The following XPR1 variants were observed in gnomAD, a reference collection of about 807,000 sequenced individuals.
The protein encoded by XPR1 is solute carrier family 53 member 1.
In XPR1, 28 loss-of-function variants were observed where a neutral mutation model predicts 87.5. That is an observed-to-expected ratio of 0.32 (90% CI 0.24 to 0.44). The LOEUF (loss-of-function observed/expected upper bound fraction) is 0.44. Among genes scored for constraint, XPR1 ranks in the 20% least tolerant of loss-of-function variants. The probability of loss-of-function intolerance (pLI) is 1.00; values close to 1 mark genes in which losing one functional copy is unlikely to be tolerated. For missense variants in XPR1, 559 were observed against 862.3 expected, an observed-to-expected ratio of 0.65 and a Z score of 4.41; for synonymous variants, 300 against 306.1, an observed-to-expected ratio of 0.98 and a Z score of 0.21.
At chr1:180,732,434 AGGTGGCC>A (rs1435819465) in intron 2 of XPR1, among the ~76,000 whole-genome samples, 2 of 152,176 alleles carry the variant, frequency 1.3e-5, no homozygotes, top group Non-Finnish European at 2.9e-5. Context: ...CATAATTTTA[AGGTGGCC>A]TTTAATTGAA....
At chr1:180,760,370 G>A (rs1272025789) in intron 2 of XPR1, among the ~76,000 whole-genome samples, 4 of 152,160 alleles carry the variant, frequency 2.6e-5, no homozygotes, top group Non-Finnish European at 5.9e-5. Flanking sequence ...AAACCCCATT[G>A]TCTCAGCCCA....
intron 2 of XPR1, among the ~76,000 whole-genome samples, chr1:180,698,912 C>G (rs950035442): frequency 6.6e-6 from 1 of 150,714 alleles, no homozygotes; most frequent in African/African-American, 2.4e-5. Context: ...CGTGACTTGA[C>G]AATTTTCTCT....
intron 2 of XPR1, among the ~76,000 whole-genome samples, chr1:180,771,683 T>C (rs1193394489): frequency 6.6e-6 from 1 of 152,206 alleles, no homozygotes; most frequent in East Asian, 1.9e-4. Flanking sequence ...ATTTGTACAA[T>C]ATCTAAGTTT....
intron 2 of XPR1, among the ~76,000 whole-genome samples, chr1:180,705,576 TGA>T (rs1657528762): frequency 6.6e-6 from 1 of 152,114 alleles, no homozygotes; most frequent in African/African-American, 2.4e-5. Context: ...AACAAGAAAA[TGA>T]GATAGTTAAT....
intron 1 of XPR1, among the ~76,000 whole-genome samples, chr1:180,661,507 GT>G (rs1655777244): frequency 6.6e-6 from 1 of 150,652 alleles, no homozygotes; most frequent in Non-Finnish European, 1.5e-5. Context: ...GTGTGTGTGT[GT>G]GTGTGTGTGT....
At chr1:180,704,274 A>ATATATATATATATATT (rs1378621484) in intron 2 of XPR1, among the ~76,000 whole-genome samples, 1 of 141,682 alleles carries the variant, frequency 7.1e-6, no homozygotes, top group African/African-American at 2.6e-5. Flanking sequence ...ATATATATAT[A>ATATATATATATATATT]TATTATCAGA....
At chr1:180,647,424 A>G (rs1655153579) in intron 1 of XPR1, among the ~76,000 whole-genome samples, 1 of 152,252 alleles carries the variant, frequency 6.6e-6, no homozygotes, top group African/African-American at 2.4e-5. Flanking sequence ...TAATCTTATG[A>G]GACCACTGTT....
intron 11 of XPR1, among the ~76,000 whole-genome samples, chr1:180,840,039 A>C (rs978371223): frequency 6.6e-6 from 1 of 151,480 alleles, no homozygotes; most frequent in Non-Finnish European, 1.5e-5. Flanking sequence ...CTGGCTAACA[A>C]GGTGAAACCC....
chr1:180,731,491 CTTT>C lies in XPR1; in HGVS notation c.121+49081_121+49083del, dbSNP rs377228544. ...TGCTGTGATCTGGTGAGTTTCAGTTCTTTGATACCTTTTTTTGAGAGACCTGAA... is the reference window on the plus strand; with the variant it reads ...TGCTGTGATCTGGTGAGTTTCAGTTCGATACCTTTTTTTGAGAGACCTGAA... On this transcript the variant is annotated intron_variant, in intron 2 of 14. Coordinates refer to ENST00000367590, the MANE Select transcript of XPR1 (RefSeq NM_004736.4). 3.1e-3 allele frequency among the ~76,000 whole-genome samples: 471 copies of C among 152,222 alleles called. 2 individuals carry two copies. Among genetic ancestry groups the C allele is most frequent in the African/African-American group, 0.011 (449 of 41,532 alleles).
chr1:180,750,988 T>C (rs935902954), intron 2 of XPR1, among the ~76,000 whole-genome samples: 16 of 152,116 alleles, frequency 1.1e-4, no homozygotes, highest in Non-Finnish European at 7.4e-5. Context: ...CATATGTTGC[T>C]AAATTTATCC....
intron 2 of XPR1, among the ~76,000 whole-genome samples, chr1:180,778,158 A>T (rs1245402964): frequency 6.6e-6 from 1 of 151,798 alleles, no homozygotes; most frequent in East Asian, 1.9e-4. Flanking sequence ...TTTTTAAAAA[A>T]ATTTTTTTAG....
chr1:180,643,926 A>G (rs1461103855), intron 1 of XPR1, among the ~76,000 whole-genome samples: 1 of 152,138 alleles, frequency 6.6e-6, no homozygotes, highest in African/African-American at 2.4e-5. Context: ...GAAGCCTCTT[A>G]GAATGTCTTT....
At chr1:180,674,538 C>T (rs537461901) in intron 1 of XPR1, among the ~76,000 whole-genome samples, 12 of 151,912 alleles carry the variant, frequency 7.9e-5, no homozygotes, top group East Asian at 7.7e-4. Context: ...GGATTACAGG[C>T]GTGAGCCACT....
At chr1:180,744,945 C>T (rs540640079) in intron 2 of XPR1, among the ~76,000 whole-genome samples, 3 of 151,740 alleles carry the variant, frequency 2.0e-5, no homozygotes, top group Non-Finnish European at 4.4e-5. Context: ...GCCACCATGC[C>T]CGGCTGGTTT....
chr1:180,753,918 C>T (rs923064892), intron 2 of XPR1, among the ~76,000 whole-genome samples: 2 of 152,092 alleles, frequency 1.3e-5, no homozygotes, highest in Non-Finnish European at 2.9e-5. Flanking sequence ...CCTATCTGTC[C>T]TGAAACATGT....
At chr1:180,679,734 A>G (rs1367434439) in intron 1 of XPR1, among the ~76,000 whole-genome samples, 3 of 152,214 alleles carry the variant, frequency 2.0e-5, no homozygotes, top group Non-Finnish European at 2.9e-5. Flanking sequence ...AAAACAAACT[A>G]TTACTATAAA....
chr1:180,827,153 CAAAAAA>C (rs11324246), intron 9 of XPR1, among the ~76,000 whole-genome samples: 2 of 66,910 alleles, frequency 3.0e-5, no homozygotes, highest in African/African-American at 1.2e-4. Context: ...GACTCCTTCT[CAAAAAA>C]AAAAAAAAAA....
intron 2 of XPR1, among the ~76,000 whole-genome samples, chr1:180,701,932 T>G (rs1462978132): frequency 9.0e-6 from 1 of 111,294 alleles, no homozygotes; most frequent in Non-Finnish European, 1.8e-5. Context: ...GTGTCTCTAT[T>G]TCCTTCAGTT....
intron 3 of XPR1, among the ~76,000 whole-genome samples, chr1:180,800,079 A>G (rs1251521786): frequency 1.3e-5 from 2 of 152,206 alleles, no homozygotes. Flanking sequence ...TTCCTTCATC[A>G]TATTTCTTAC....
Sources: gnomAD v4.1 joint callset for allele counts (sites outside exome capture counted in the v4.1 genomes callset) on GRCh38, gnomAD v4.1.1 for gene constraint, MANE v1.5 for transcripts, NCBI Gene and HGNC (gene_info 2026-07-23, HGNC 2026-07-21) for gene names.